Variants in RBFOX1 observed in about 807,000 individuals in gnomAD.
RBFOX1 encodes the protein RNA binding protein fox-1 homolog 1.
A neutral mutation model predicts 57.7 loss-of-function variants in RBFOX1; 8 were observed. The ratio of observed to expected loss-of-function variants is 0.14; its 90% CI spans 0.08 to 0.25. RBFOX1 has a LOEUF of 0.25. Among genes scored for constraint, RBFOX1 ranks in the 10% least tolerant of loss-of-function variants. The probability of loss-of-function intolerance (pLI) is 1.00; values close to 1 mark genes in which losing one functional copy is unlikely to be tolerated. For missense variants in RBFOX1, 611 were observed against 548.5 expected (o/e 1.11, Z -1.14); for synonymous variants, 326 against 222.4 (o/e 1.47, Z -4.15).
intron 3 of RBFOX1, among the ~76,000 whole-genome samples, chr16:6,695,784 G>A (rs780012217): frequency 1.3e-5 from 2 of 152,208 alleles, no homozygotes; most frequent in African/African-American, 4.8e-5. Flanking sequence ...GTAAATAACA[G>A]TTCTTTGATA....
chr16:6,675,409 C>G (rs191640155), intron 3 of RBFOX1, among the ~76,000 whole-genome samples: 1 of 151,954 alleles, frequency 6.6e-6, no homozygotes, highest in African/African-American at 2.4e-5. Flanking sequence ...CAGGTGGGCT[C>G]TTCCCAAGCA....
At chr16:6,526,425 C>G (rs556077467) in intron 2 of RBFOX1, among the ~76,000 whole-genome samples, 25 of 152,236 alleles carry the variant, frequency 1.6e-4, no homozygotes, top group African/African-American at 5.5e-4. Flanking sequence ...ATTATAAGCA[C>G]CAGTCACACT....
intron 1 of RBFOX1, among the ~76,000 whole-genome samples, chr16:5,320,200 C>T (rs1202457674): frequency 6.6e-6 from 1 of 152,162 alleles, no homozygotes; most frequent in Non-Finnish European, 1.5e-5. Flanking sequence ...AGAGAAAAAT[C>T]ACTTAGCTCA....
intron 3 of RBFOX1, among the ~76,000 whole-genome samples, chr16:6,884,831 G>C (rs571310232): frequency 4.1e-4 from 62 of 152,284 alleles, no homozygotes; most frequent in Non-Finnish European, 6.8e-4. Context: ...TCAGGAGGTG[G>C]AGGTGGCAGT....
intron 3 of RBFOX1, among the ~76,000 whole-genome samples, chr16:6,756,021 G>C (rs959465362): frequency 6.6e-6 from 1 of 152,136 alleles, no homozygotes. Flanking sequence ...CATCAGCCCC[G>C]TTTGGATGAC....
intron 3 of RBFOX1, among the ~76,000 whole-genome samples, chr16:7,037,050 A>G (rs2044689304): frequency 6.6e-6 from 1 of 152,080 alleles, no homozygotes; most frequent in Non-Finnish European, 1.5e-5. Context: ...GAGGACAACC[A>G]GAGGTCACCT....
chr16:5,909,313 C>T (rs938312115), intron 4 of RBFOX1, among the ~76,000 whole-genome samples: 12 of 152,078 alleles, frequency 7.9e-5, no homozygotes, highest in African/African-American at 1.9e-4. Flanking sequence ...AGGATGGTCT[C>T]GATCTCTGGA....
intron 3 of RBFOX1, among the ~76,000 whole-genome samples, chr16:6,918,829 G>T (rs1002469510): frequency 3.9e-5 from 6 of 152,118 alleles, no homozygotes; most frequent in African/African-American, 1.4e-4. Flanking sequence ...TAATAAACAA[G>T]TATTTTCAGT....
chr16:7,120,053 A>G (rs1221971827), intron 4 of RBFOX1, among the ~76,000 whole-genome samples: 1 of 152,086 alleles, frequency 6.6e-6, no homozygotes, highest in African/African-American at 2.4e-5. Context: ...AATAAACTGG[A>G]AAAAATCTAA....
intron 4 of RBFOX1, among the ~76,000 whole-genome samples, chr16:7,152,269 C>T (rs1026469372): frequency 4.6e-5 from 7 of 152,156 alleles, no homozygotes; most frequent in African/African-American, 1.7e-4. Context: ...TTAGTAAACC[C>T]ACCCATGGAA....
chr16:6,678,837 T>C (rs1006434263), intron 3 of RBFOX1, among the ~76,000 whole-genome samples: 4 of 152,108 alleles, frequency 2.6e-5, no homozygotes, highest in African/African-American at 9.7e-5. Flanking sequence ...TCCAGGAGGC[T>C]GAGTGAGGCT....
intron 1 of RBFOX1, among the ~76,000 whole-genome samples, chr16:5,285,574 C>T (rs1489987156): frequency 1.3e-5 from 2 of 152,168 alleles, no homozygotes; most frequent in Admixed American, 6.5e-5. Context: ...ACATAACCGT[C>T]ACTTCTTCCA....
At chr16:6,398,264 A>T (rs2092922533) in intron 2 of RBFOX1, among the ~76,000 whole-genome samples, 2 of 152,000 alleles carry the variant, frequency 1.3e-5, no homozygotes, top group Non-Finnish European at 2.9e-5. Flanking sequence ...GGGAACTACA[A>T]CTCGAGATTT....
At chr16:7,575,860 G>C (rs1292599190) in intron 5 of RBFOX1, among the ~76,000 whole-genome samples, 3 of 152,188 alleles carry the variant, frequency 2.0e-5, no homozygotes, top group Admixed American at 1.3e-4. Flanking sequence ...GTTAGGCTCT[G>C]AGGTAGCTGC....
intron 1 of RBFOX1, among the ~76,000 whole-genome samples, chr16:6,077,216 C>G (rs1385845875): frequency 2.0e-5 from 3 of 152,166 alleles, no homozygotes; most frequent in Non-Finnish European, 4.4e-5. Flanking sequence ...TGCCACGGTT[C>G]TCTGCTGACA....
At chr16:5,660,354 T>C (rs1379139707) in intron 3 of RBFOX1, among the ~76,000 whole-genome samples, 1 of 152,192 alleles carries the variant, frequency 6.6e-6, no homozygotes, top group Middle Eastern at 3.2e-3. Context: ...GTTTTCGGCT[T>C]AGCTGGTAGA....
chr16:7,517,107 G>A (rs908165264), intron 4 of RBFOX1, among the ~76,000 whole-genome samples: 4 of 150,290 alleles, frequency 2.7e-5, no homozygotes, highest in Non-Finnish European at 5.9e-5. Context: ...ACCATGGAAA[G>A]TTTAGACCTT....
intron 4 of RBFOX1, among the ~76,000 whole-genome samples, chr16:7,305,297 T>C (rs1186724689): frequency 6.6e-6 from 1 of 152,122 alleles, no homozygotes; most frequent in East Asian, 1.9e-4. Flanking sequence ...TGTCATTCTT[T>C]CTTTATTGGA....
At position 5,832,585 on chromosome 16, in the gene RBFOX1, C is replaced by T. The variant is rs370844942; in HGVS notation, c.319-34718C>T. Among the ~76,000 whole-genome samples the T allele has an allele frequency of 4.6e-5, 7 of 152,344 alleles. No individual in the cohort carries two copies. The East Asian group carries it at 7.7e-4, about 17-fold the overall frequency. ...CATGTTAGCTGTCACTGTTAGGCTT[C>T]TGATTATACTGCAATTACACCTATT... On this transcript the variant is annotated intron_variant, in intron 3 of 19. Coordinates refer to the RBFOX1 transcript ENST00000641259.
Sources: gnomAD v4.1 joint callset for allele counts (sites outside exome capture counted in the v4.1 genomes callset) on GRCh38, gnomAD v4.1.1 for gene constraint, MANE v1.5 for transcripts, NCBI Gene and HGNC (gene_info 2026-07-23, HGNC 2026-07-21) for gene names.